Variants in AGO4 observed in about 807,000 individuals in gnomAD.
AGO4 encodes the protein protein argonaute-4.
Under a neutral mutation model 104.7 loss-of-function variants are expected in AGO4, and 33 were observed. The ratio of observed to expected loss-of-function variants is 0.32; its 90% CI spans 0.24 to 0.42. The LOEUF (loss-of-function observed/expected upper bound fraction) is 0.42. Among genes scored for constraint, AGO4 ranks in the 10% least tolerant of loss-of-function variants. The probability of loss-of-function intolerance (pLI) is 1.00; values close to 1 mark genes in which losing one functional copy is unlikely to be tolerated. For synonymous variants in AGO4, 331 were observed against 364.7 expected (o/e 0.91, Z 1.05); for missense variants, 711 against 1,083.4 (o/e 0.66, Z 4.83).
At chr1:35,835,300 A>G (rs879575275) in intron 12 of AGO4, among the ~76,000 whole-genome samples, 4 of 151,860 alleles carry the variant, frequency 2.6e-5, no homozygotes, top group Admixed American at 6.6e-5. Flanking sequence ...CAAGTGATCC[A>G]CCCGCCTTGG....
rs1190184838 is a variant in AGO4, at chr1:35,825,785, G to A, written c.595G>A (p.Ala199Thr). 5.6e-6 allele frequency: 9 copies of A among 1,593,344 alleles called. No individual in the cohort carries two copies. The highest frequency in any genetic ancestry group is 7.7e-6 in the Non-Finnish European group (9 of 1,171,734). The stretch of plus-strand genomic sequence containing the variant: ...TGGTTTTCATCAGTCTGTGAGACCT[G>A]CCATGTGGAATATGATGCTCAACAT... ...WFGFHQSVRP[A>T]MWNMMLNIDV... The change falls in exon 5 of 18, where the codon GCC becomes ACC. Residue 199 changes from alanine (A) to threonine (T), a missense_variant. Physicochemically the swap from Ala to Thr is moderately conservative, Grantham distance 58. Around this residue, in one of 3 missense-constraint regions of AGO4, gnomAD observed 308 missense variants for 397.8 expected, o/e 0.77. Coordinates refer to ENST00000373210, the MANE Select transcript of AGO4 (RefSeq NM_017629.4).
At chr1:35,818,171 C>CAT (rs1643771967) in intron 2 of AGO4, among the ~76,000 whole-genome samples, 1 of 152,032 alleles carries the variant, frequency 6.6e-6, no homozygotes, top group East Asian at 1.9e-4. Flanking sequence ...TTTATATATA[C>CAT]ATATACATGC....
chr1:35,831,377 AAAAG>A (rs779943425), intron 7 of AGO4, 46 bp from the exon 8 acceptor site: 5 of 1,547,670 alleles, frequency 3.2e-6, no homozygotes, highest in Non-Finnish European at 4.3e-6. Flanking sequence ...GAAAAAGAAG[AAAAG>A]AAAGAACTTG....
chr1:35,835,720 A>G (rs989176477), intron 12 of AGO4, 114 bp from the exon 13 acceptor site: 6 of 858,684 alleles, frequency 7.0e-6, no homozygotes, highest in Non-Finnish European at 1.0e-5. Flanking sequence ...AGCATCTAGC[A>G]CAGTGTACAG....
At chr1:35,846,325 C>T (rs535106532) in intron 15 of AGO4, among the ~76,000 whole-genome samples, 8 of 152,172 alleles carry the variant, frequency 5.3e-5, no homozygotes, top group African/African-American at 1.9e-4. Context: ...GGGCCAGGTG[C>T]GGTGGCTGAC....
chr1:35,851,975 G>A (rs1045166694), intron 17 of AGO4, among the ~76,000 whole-genome samples: 1 of 152,182 alleles, frequency 6.6e-6, no homozygotes, highest in Non-Finnish European at 1.5e-5. Context: ...AAGTGCAATG[G>A]GACACCAGAG....
chr1:35,841,287 G>T lies in AGO4; in HGVS notation c.1847G>T (p.Arg616Leu), dbSNP rs754880287. Residue 616 changes from arginine (R) to leucine (L), a missense_variant, in exon 14 of 18, where the codon CGG (arginine) becomes CTG (leucine). Arg to Leu is a moderately radical substitution (Grantham distance 102). Coordinates refer to ENST00000373210, the MANE Select transcript of AGO4 (RefSeq NM_017629.4). The surrounding 1 kb of genome is among the most constrained non-coding windows in gnomAD (Gnocchi z 4.7). ...VVGSMDGHPS[R>L]YCATVRVQTS... ...GGCAGTATGGATGGCCACCCCAGCCGGTACTGTGCCACCGTTCGGGTGCAG... is the reference window on the plus strand; with the variant it reads ...GGCAGTATGGATGGCCACCCCAGCCTGTACTGTGCCACCGTTCGGGTGCAG... 6.2e-7 allele frequency: 1 copy of T among 1,614,136 alleles called. No individual in the cohort carries two copies. Among genetic ancestry groups the T allele is most frequent in the Admixed American group, 1.7e-5 (1 of 60,026 alleles).
chr1:35,834,974 G>A (rs192049889), intron 12 of AGO4, among the ~76,000 whole-genome samples: 3 of 151,184 alleles, frequency 2.0e-5, no homozygotes, highest in Admixed American at 2.0e-4. Flanking sequence ...TGGGATTACA[G>A]GCATGGGCCA....
rs1644759564 is a variant in AGO4, at chr1:35,853,692, G to A, written c.*87G>A. The A allele has an allele frequency of 6.4e-6, 7 of 1,102,318 alleles. No individual in the cohort carries two copies. Among genetic ancestry groups the A allele is most frequent in the South Asian group, 1.4e-5 (1 of 71,844 alleles). 68.3% of individuals were successfully genotyped at this position (1,102,318 alleles called of 1,614,324 possible). ...GCCTACCGCCTCTAGATCGAGCCAC[G>A]TTGACTTCAGGTGGTCTTCTACCAG... On this transcript the variant is annotated 3_prime_UTR_variant, in exon 18 of 18. Transcript: ENST00000373210.
chr1:35,827,790 C>CT (rs142432459), intron 7 of AGO4, among the ~76,000 whole-genome samples: 19 of 103,830 alleles, frequency 1.8e-4, no homozygotes, highest in African/African-American at 6.4e-4. Context: ...TGTTGTTATT[C>CT]TTTTTTTTTT....
rs1220172170 is a variant in AGO4 at position 35,852,030 on chromosome 1, CT to C, written c.2477+978del. Among the ~76,000 whole-genome samples the C allele has an allele frequency of 7.9e-5, 12 of 152,108 alleles. 1 individual carries two copies. The highest frequency in any genetic ancestry group is 2.7e-4 in the African/African-American group (11 of 41,490). ...TTTCATAGCTGGATGGATAGAATGG[CT>C]CTACAAAAAAGAGAAAAGAATTTTC... On this transcript the variant is annotated intron_variant, in intron 17 of 17. Coordinates refer to ENST00000373210, the MANE Select transcript of AGO4 (RefSeq NM_017629.4).
intron 1 of AGO4, among the ~76,000 whole-genome samples, chr1:35,811,960 G>C (rs940723873): frequency 3.3e-5 from 5 of 151,990 alleles, no homozygotes; most frequent in African/African-American, 1.2e-4. Context: ...TTACACACAT[G>C]CCCATTTTAT....
chr1:35,812,836 C>G (rs1336522846), intron 1 of AGO4, among the ~76,000 whole-genome samples: 1 of 152,110 alleles, frequency 6.6e-6, no homozygotes, highest in East Asian at 1.9e-4. Context: ...AGGTGATCTG[C>G]CCGCTTCAGC....
Position 35,816,962 on chromosome 1 carries a change from C to A in AGO4, c.100C>A (p.His34Asn). 1 of 1,614,062 alleles carries A rather than the reference C, an allele frequency of 6.2e-7. No homozygotes were observed. Among genetic ancestry groups the A allele is most frequent in the Non-Finnish European group, 8.5e-7 (1 of 1,179,966 alleles). ...AAAACCAATTCGACTGTTAGCCAAT[C>A]ATTTTCAGGTTCAGATTCCTAAAAT... ...VGKPIRLLAN[H>N]FQVQIPKIDV... The change falls in exon 2 of 18, where the codon CAT becomes AAT. Residue 34 changes from histidine to asparagine, a missense_variant. His to Asn is a moderately conservative substitution (Grantham distance 68). Transcript: ENST00000373210.
chr1:35,812,185 C>A (rs1177678902), intron 1 of AGO4, among the ~76,000 whole-genome samples: 1 of 148,464 alleles, frequency 6.7e-6, no homozygotes, highest in Admixed American at 6.7e-5. Flanking sequence ...GTTGTTTAGC[C>A]CAAATTAAAA....
In AGO4 at chr1:35,808,309, A is replaced by C; in HGVS notation, c.-108A>C. ...GCCCGCGTCTCCGCGGCGCCACCCCAGCGCCAATATTCCGGAGATCAAGCG... is the reference window on the plus strand; with the variant it reads ...GCCCGCGTCTCCGCGGCGCCACCCCCGCGCCAATATTCCGGAGATCAAGCG... On this transcript the variant is annotated 5_prime_UTR_variant, in exon 1 of 18. Coordinates refer to ENST00000373210, the MANE Select transcript of AGO4 (RefSeq NM_017629.4). This position sits in a 1 kb window ranked among gnomAD's most constrained non-coding sequence, Gnocchi z 5.2. The C allele has an allele frequency of 3.1e-6, 2 of 648,430 alleles. No individual in the cohort carries two copies. Among genetic ancestry groups the C allele is most frequent in the East Asian group, 1.3e-4 (1 of 7,486 alleles). The allele number at this position is 648,430 out of a possible 1,614,324, so 40.2% of individuals were successfully genotyped here.
Position 35,853,585 on chromosome 1 carries a change from C to T in AGO4, c.2566C>T (p.His856Tyr). Reference protein sequence around the residue: ...KAVQIHHDTQHTMYFA With the variant: ...KAVQIHHDTQYTMYFA ...TGTGCAAATCCACCATGATACCCAG[C>T]ACACGATGTATTTTGCCTGAGAGTC... Residue 856 changes from histidine (H) to tyrosine (Y), a missense_variant, in exon 18 of 18, where the codon CAC (histidine) becomes TAC (tyrosine). Around this residue, in one of 3 missense-constraint regions of AGO4, gnomAD observed 401 missense variants for 665.5 expected, o/e 0.60. Coordinates refer to ENST00000373210, the MANE Select transcript of AGO4 (RefSeq NM_017629.4). 6.2e-7 allele frequency: 1 copy of T among 1,613,884 alleles called. No individual in the cohort carries two copies.
chr1:35,832,555 G>A lies in AGO4; in HGVS notation c.1364G>A (p.Arg455Lys). The A allele has an allele frequency of 6.2e-7, 1 of 1,612,004 alleles. No homozygotes were observed. The highest frequency in any genetic ancestry group is 1.3e-5 in the African/African-American group (1 of 74,748). Residue 455 changes from arginine (R) to lysine (K), a missense_variant, in exon 11 of 18, where the codon AGG becomes AAG. Coordinates refer to ENST00000373210, the MANE Select transcript of AGO4 (RefSeq NM_017629.4). The stretch of plus-strand genomic sequence containing the variant: ...TGTTTTGCACCTCAGAAACAATGTA[G>A]GGAAGATTTACTAAAGTGAGTATCT... ...VACFAPQKQC[R>K]EDLLKSFTDQ...
intron 1 of AGO4, among the ~76,000 whole-genome samples, chr1:35,815,039 G>A (rs879552904): frequency 3.9e-5 from 6 of 152,032 alleles, no homozygotes; most frequent in Admixed American, 2.0e-4. Context: ...CACCGTGCCC[G>A]GCTAATTTTT....
Sources: allele counts gnomAD v4.1 joint callset (sites outside exome capture counted in the v4.1 genomes callset), GRCh38; gene constraint gnomAD v4.1.1; regional missense constraint gnomAD v4.1.1; non-coding constraint Gnocchi (gnomAD v3.1); transcripts MANE v1.5; gene names NCBI Gene and HGNC (gene_info 2026-07-23, HGNC 2026-07-21).